QTMAN: variants seen among roughly 807,000 people sequenced by gnomAD.
QTMAN encodes tRNA-queuosine alpha-mannosyltransferase.
chr2:144,184,610 AT>A, the QTMAN span, among the ~76,000 whole-genome samples: 4 of 151,948 alleles, frequency 2.6e-5, no homozygotes, highest in Admixed American at 6.6e-5. Context: ...TTTGGAAATG[AT>A]TTTTTTTAGA....
chr2:144,048,848 CT>C, the QTMAN span, among the ~76,000 whole-genome samples: 2 of 151,662 alleles, frequency 1.3e-5, no homozygotes, highest in Admixed American at 6.6e-5. Context: ...ACACAGAGGT[CT>C]TATCTGTGAT....
chr2:144,145,669 T>C, the QTMAN span: 3 of 1,611,886 alleles, frequency 1.9e-6, no homozygotes, highest in Non-Finnish European at 2.5e-6. Context: ...AGAATCTTTT[T>C]CAGTTTCCCA....
chr2:143,958,487 C>T, the QTMAN span, among the ~76,000 whole-genome samples: 945 of 152,146 alleles, frequency 6.2e-3, 14 homozygotes, highest in African/African-American at 0.022. Flanking sequence ...TTTTGTGAGA[C>T]TCACCAGTCG....
the QTMAN span, among the ~76,000 whole-genome samples, chr2:143,979,341 T>C: frequency 6.6e-6 from 1 of 152,114 alleles, no homozygotes; most frequent in African/African-American, 2.4e-5. Flanking sequence ...GAAGACCCAA[T>C]ATATGTATTA....
chr2:144,325,533 G>T, the QTMAN span, among the ~76,000 whole-genome samples: 55 of 151,428 alleles, frequency 3.6e-4, no homozygotes, highest in African/African-American at 1.3e-3. Flanking sequence ...AAAAAATCAA[G>T]ATTGAGGTCA....
chr2:143,984,430 G>A, the QTMAN span, among the ~76,000 whole-genome samples: 1 of 152,156 alleles, frequency 6.6e-6, no homozygotes, highest in Non-Finnish European at 1.5e-5. Flanking sequence ...CTCCTTGAGT[G>A]CAAGACCAAA....
At chr2:144,216,393 A>G in the QTMAN span, among the ~76,000 whole-genome samples, 2 of 152,176 alleles carry the variant, frequency 1.3e-5, no homozygotes, top group African/African-American at 4.8e-5. Flanking sequence ...ACAGCAGACA[A>G]ACTAGGTTTT....
the QTMAN span, among the ~76,000 whole-genome samples, chr2:144,270,946 CT>C: frequency 6.6e-6 from 1 of 152,280 alleles, no homozygotes; most frequent in East Asian, 1.9e-4. Context: ...AAATAATAAA[CT>C]TAAGATTACT....
chr2:144,283,045 T>C, the QTMAN span, among the ~76,000 whole-genome samples: 1 of 152,318 alleles, frequency 6.6e-6, no homozygotes, highest in Non-Finnish European at 1.5e-5. Flanking sequence ...ACACATCTCT[T>C]CATCTGGCTG....
chr2:144,054,234 T>G, the QTMAN span, among the ~76,000 whole-genome samples: 66 of 152,106 alleles, frequency 4.3e-4, no homozygotes, highest in African/African-American at 1.5e-3. Context: ...CCACACAGGT[T>G]CAGGTCCTTA....
chr2:143,973,516 C>T, the QTMAN span, among the ~76,000 whole-genome samples: 3 of 151,882 alleles, frequency 2.0e-5, no homozygotes, highest in Non-Finnish European at 4.4e-5. Context: ...ATTGGCCGGG[C>T]GCGGTGGCTC....
At chr2:144,172,045 T>C in the QTMAN span, among the ~76,000 whole-genome samples, 2 of 152,120 alleles carry the variant, frequency 1.3e-5, no homozygotes, top group South Asian at 2.1e-4. Flanking sequence ...AATTAAATAT[T>C]ATAAAAATCT....
the QTMAN span, among the ~76,000 whole-genome samples, chr2:144,059,899 C>A: frequency 6.6e-6 from 1 of 152,184 alleles, no homozygotes; most frequent in Non-Finnish European, 1.5e-5. Context: ...CCTCATCTAG[C>A]TACCACACCA....
At chr2:143,947,012 T>C in the QTMAN span, 2 of 1,401,886 alleles carry the variant, frequency 1.4e-6, no homozygotes, top group Non-Finnish European at 2.0e-6. Flanking sequence ...GTTCTTCAGA[T>C]TCTGCCTTAG....
the QTMAN span, among the ~76,000 whole-genome samples, chr2:144,021,879 G>T: frequency 6.6e-6 from 1 of 152,118 alleles, no homozygotes. Flanking sequence ...ATGTGCGTGT[G>T]CGTCCATGCT....
the QTMAN span, among the ~76,000 whole-genome samples, chr2:144,215,478 A>G: frequency 6.6e-6 from 1 of 152,068 alleles, no homozygotes; most frequent in Non-Finnish European, 1.5e-5. Flanking sequence ...ATTTCCACAA[A>G]TAACTGGATA....
At chr2:144,179,873 C>G in the QTMAN span, among the ~76,000 whole-genome samples, 1 of 152,132 alleles carries the variant, frequency 6.6e-6, no homozygotes, top group Non-Finnish European at 1.5e-5. Context: ...TGAAGAAGGT[C>G]TTTGTTTCTA....
chr2:144,253,992 C>T, the QTMAN span, among the ~76,000 whole-genome samples: 6 of 152,222 alleles, frequency 3.9e-5, no homozygotes, highest in South Asian at 2.1e-4. Context: ...CAAGAATTGG[C>T]GGCCTGTGTC....
the QTMAN span, among the ~76,000 whole-genome samples, chr2:144,248,171 T>A: frequency 3.3e-5 from 5 of 152,220 alleles, no homozygotes; most frequent in Non-Finnish European, 7.3e-5. Flanking sequence ...AATAGGTGAC[T>A]AGTTAAATAA....
Sources: gnomAD v4.1 joint callset for allele counts (sites outside exome capture counted in the v4.1 genomes callset) on GRCh38, gnomAD v4.1.1 for gene constraint, MANE v1.5 for transcripts, NCBI Gene and HGNC (gene_info 2026-07-23, HGNC 2026-07-21) for gene names.